The following ALX1 variants were observed in gnomAD, a reference collection of about 807,000 sequenced individuals.
ALX1 encodes ALX homeobox protein 1.
ALX1 carries 19 observed loss-of-function variants against 31.7 expected under a neutral mutation model. The observed-to-expected ratio is 0.60, with a 90% CI of 0.42 to 0.88. The LOEUF (loss-of-function observed/expected upper bound fraction) is 0.88. ALX1 is among the 40% of genes least tolerant of loss of function. ALX1 has a pLI of 0.00. For synonymous variants in ALX1, 153 were observed against 148.8 expected (o/e 1.03, Z -0.20); for missense variants, 415 against 407.8 (o/e 1.02, Z -0.15).
At position 85,280,432 on chromosome 12, in the gene ALX1, C is replaced by T. The variant is rs775308419; in HGVS notation, c.171C>T (p.Pro57=). 6.2e-7 allele frequency: 1 copy of T among 1,612,474 alleles called. No individual in the cohort carries two copies. Among genetic ancestry groups the T allele is most frequent in the East Asian group, 2.2e-5 (1 of 44,842 alleles). ...GCGTGCAGGCCTTCGGACCCCTGCC[C>T]CGCGCCGAGCATCACGTGCGCTTGG... The part of the protein sequence containing the change: ...GKCVQAFGPL[P]RAEHHVRLER... The change falls in exon 1 of 4, where the codon CCC becomes CCT. Residue 57 remains proline (P), a synonymous_variant. Transcript: ENST00000316824.
intron 3 of ALX1, among the ~76,000 whole-genome samples, chr12:85,289,123 T>C (rs1896784682): frequency 6.6e-6 from 1 of 151,370 alleles, no homozygotes; most frequent in African/African-American, 2.4e-5. Context: ...TGTTTTCAAC[T>C]TTTCTGTCCC....
At chr12:85,285,876 A>G (rs1896740697) in intron 2 of ALX1, among the ~76,000 whole-genome samples, 1 of 151,962 alleles carries the variant, frequency 6.6e-6, no homozygotes, top group African/African-American at 2.4e-5. Context: ...AATCTTCTGC[A>G]TCTCCCTTTA....
chr12:85,289,109 T>C (rs1156532392), intron 3 of ALX1, among the ~76,000 whole-genome samples: 1 of 151,336 alleles, frequency 6.6e-6, no homozygotes, highest in Non-Finnish European at 1.5e-5. Context: ...ACCCCATTTC[T>C]GTCTGTTTTC....
Position 85,301,170 on chromosome 12 carries a change from T to G in ALX1, c.676T>G (p.Trp226Gly), listed in dbSNP as rs780138938. The change falls in exon 4 of 4, where the codon TGG becomes GGG. Residue 226 changes from tryptophan (W) to glycine (G), a missense_variant. Around this residue, in one of 3 missense-constraint regions of ALX1, gnomAD observed 174 missense variants for 177.5 expected, o/e 0.98. Transcript: ENST00000316824. The stretch of plus-strand genomic sequence containing the variant: ...TATATTCCAGATTCAGAACAATTTG[T>G]GGGCAGGAAATGCAAGTGGTGGTTC... Reference protein sequence around the residue: ...DSYPQIQNNLWAGNASGGSVV... With the variant: ...DSYPQIQNNLGAGNASGGSVV... 1 of 1,614,026 alleles carries G rather than the reference T, an allele frequency of 6.2e-7. No individual in the cohort carries two copies.
In ALX1 at chr12:85,284,515, A is replaced by C. The variant is rs77381470; in HGVS notation, c.531+639A>C. 2.6e-5 allele frequency among the ~76,000 whole-genome samples: 4 copies of C among 152,202 alleles called. No homozygotes were observed. The East Asian group carries it at 7.7e-4, about 29-fold the overall frequency. The stretch of plus-strand genomic sequence containing the variant: ...GTTAAAGTCTAGATAAATCATATGA[A>C]TTTTGCATAGGCAATAAAAATAATG... On this transcript the variant is annotated intron_variant, in intron 2 of 3. Coordinates refer to ENST00000316824, the MANE Select transcript of ALX1 (RefSeq NM_006982.3).
intron 3 of ALX1, among the ~76,000 whole-genome samples, chr12:85,290,235 A>T (rs1183209125): frequency 6.6e-6 from 1 of 151,352 alleles, no homozygotes; most frequent in Admixed American, 6.6e-5. Flanking sequence ...TAGTAGCAAC[A>T]GCTGTAACAG....
At chr12:85,300,239 AG>A (rs1896945319) in intron 3 of ALX1, among the ~76,000 whole-genome samples, 1 of 152,044 alleles carries the variant, frequency 6.6e-6, no homozygotes, top group African/African-American at 2.4e-5. Context: ...TTTACATGCT[AG>A]TAACTTTAGA....
chr12:85,292,603 G>T (rs1896832510), intron 3 of ALX1, among the ~76,000 whole-genome samples: 1 of 151,046 alleles, frequency 6.6e-6, no homozygotes, highest in South Asian at 2.1e-4. Flanking sequence ...ATAGATTAAA[G>T]CTGTAAAACA....
At chr12:85,293,417 A>G (rs1024349108) in intron 3 of ALX1, among the ~76,000 whole-genome samples, 2 of 150,424 alleles carry the variant, frequency 1.3e-5, no homozygotes, top group Non-Finnish European at 3.0e-5. Context: ...AATGAAAAAA[A>G]TTTTAATAAA....
At chr12:85,297,549 T>C (rs1305063939) in intron 3 of ALX1, among the ~76,000 whole-genome samples, 1 of 151,700 alleles carries the variant, frequency 6.6e-6, no homozygotes, top group South Asian at 2.1e-4. Flanking sequence ...CTTACTTTTA[T>C]AGAAAAGAAA....
chr12:85,301,485 C>A lies in ALX1; in HGVS notation c.*10C>A, dbSNP rs761566840. 8 of 1,612,390 alleles carry A rather than the reference C, an allele frequency of 5.0e-6. No homozygotes were observed. Among genetic ancestry groups the A allele is most frequent in the South Asian group, 1.1e-5 (1 of 91,058 alleles). On this transcript the variant is annotated 3_prime_UTR_variant, in exon 4 of 4. Transcript: ENST00000316824. ...TTCATGGGCCATGTAACATACAGTA[C>A]TCTTTTATTTTTCTTTTAATAGCAA...
In ALX1 at chr12:85,301,498, C is replaced by A. The variant is rs1463197783; in HGVS notation, c.*23C>A. 1.9e-6 allele frequency: 3 copies of A among 1,607,026 alleles called. No homozygotes were observed. Among genetic ancestry groups the A allele is most frequent in the Non-Finnish European group, 2.6e-6 (3 of 1,175,782 alleles). On this transcript the variant is annotated 3_prime_UTR_variant, in exon 4 of 4. Coordinates refer to ENST00000316824, the MANE Select transcript of ALX1 (RefSeq NM_006982.3). Reference sequence around the variant, plus strand: ...TAACATACAGTACTCTTTTATTTTTCTTTTAATAGCAAAGTTAAACATTCT... The same window carrying A: ...TAACATACAGTACTCTTTTATTTTTATTTTAATAGCAAAGTTAAACATTCT...
chr12:85,299,068 A>G (rs1016516456), intron 3 of ALX1, among the ~76,000 whole-genome samples: 5 of 151,454 alleles, frequency 3.3e-5, no homozygotes, highest in Non-Finnish European at 5.9e-5. Context: ...AAGAAACTGT[A>G]TAAATCAAGC....
chr12:85,297,016 A>T (rs139111085), intron 3 of ALX1, among the ~76,000 whole-genome samples: 2 of 151,864 alleles, frequency 1.3e-5, no homozygotes, highest in African/African-American at 4.8e-5. Flanking sequence ...AAAAAGTAAT[A>T]GGCACTTTTA....
At position 85,283,594 on chromosome 12, in the gene ALX1, A is replaced by G; in HGVS notation, c.249A>G (p.Val83=). The G allele has an allele frequency of 1.2e-6, 2 of 1,614,098 alleles. No individual in the cohort carries two copies. The highest frequency in any genetic ancestry group is 1.7e-6 in the Non-Finnish European group (2 of 1,179,954). Residue 83 remains valine (V), a synonymous_variant, in exon 2 of 4, where the codon GTA becomes GTG. Transcript: ENST00000316824. ...DSSVNYGITK[V]EGQPLHTELN... is the part of the protein sequence containing the mutation. ...CAGTGAACTATGGGATCACTAAAGT[A>G]GAAGGACAGCCCCTTCACACCGAAC... is the stretch of plus-strand genomic sequence containing the variant.
chr12:85,288,693 C>G (rs1446111432), intron 3 of ALX1, among the ~76,000 whole-genome samples: 1 of 151,588 alleles, frequency 6.6e-6, no homozygotes, highest in Non-Finnish European at 1.5e-5. Flanking sequence ...CTAGGTGTTA[C>G]TAATTGTCTC....
At chr12:85,280,619 G>A (rs916103290) in intron 1 of ALX1, 132 bp downstream of exon 1, 60 of 1,003,318 alleles carry the variant, frequency 6.0e-5, no homozygotes, top group Non-Finnish European at 8.8e-5. Flanking sequence ...GAGGAAGGTA[G>A]TGGAAGGTGC....
intron 3 of ALX1, 91 bp from the exon 4 acceptor site, chr12:85,301,064 T>G: frequency 1.4e-6 from 2 of 1,449,152 alleles, no homozygotes; most frequent in Non-Finnish European, 1.9e-6. Context: ...CAATGAATAG[T>G]TAACCAAATT....
intron 3 of ALX1, among the ~76,000 whole-genome samples, chr12:85,294,974 A>G (rs537930432): frequency 6.6e-6 from 1 of 151,480 alleles, no homozygotes; most frequent in South Asian, 2.1e-4. Flanking sequence ...TAAAATGTCA[A>G]TAGACTTATC....
Sources: allele counts gnomAD v4.1 joint callset (sites outside exome capture counted in the v4.1 genomes callset), GRCh38; gene constraint gnomAD v4.1.1; regional missense constraint gnomAD v4.1.1; transcripts MANE v1.5; gene names NCBI Gene and HGNC (gene_info 2026-07-23, HGNC 2026-07-21).